Variants in RPS6KL1 observed in about 807,000 individuals in gnomAD.
The protein encoded by RPS6KL1 is ribosomal protein S6 kinase like 1, also known as ribosomal protein S6 kinase-like 1.
Under a neutral mutation model 57.0 loss-of-function variants are expected in RPS6KL1, and 41 were observed. The observed-to-expected ratio is 0.72, with a 90% CI of 0.56 to 0.93. The LOEUF (loss-of-function observed/expected upper bound fraction) is 0.93. Ranked by LOEUF, RPS6KL1 falls within the 40% of genes least tolerant of loss-of-function variation. The pLI, the probability that RPS6KL1 is intolerant of heterozygous loss-of-function variation, is 0.00. For missense variants in RPS6KL1, 697 were observed against 727.7 expected, an observed-to-expected ratio of 0.96 and a Z score of 0.49; for synonymous variants, 287 against 309.7, an observed-to-expected ratio of 0.93 and a Z score of 0.77.
At chr14:74,921,227 G>T in intron 3 of RPS6KL1, 50 bp downstream of exon 3, 1 of 1,410,602 alleles carries the variant, frequency 7.1e-7, no homozygotes, top group Non-Finnish European at 1.0e-6. Context: ...GAAGAGCCCT[G>T]CACTGGCCCT....
Position 74,923,185 on chromosome 14 carries a change from C to G in RPS6KL1, c.-534G>C, listed in dbSNP as rs1888134511. ...GACCGGACAAAACACCGTACCTGCC[C>G]GAGCTGGGAGCCGGGTCCGCGGGCC... is the stretch of plus-strand genomic sequence containing the variant. On this transcript the variant is annotated 5_prime_UTR_variant, in exon 1 of 12. Coordinates refer to ENST00000557413, the MANE Select transcript of RPS6KL1 (RefSeq NM_031464.5). The G allele has an allele frequency of 6.6e-6, 1 of 152,250 alleles. No individual in the cohort carries two copies. The highest frequency in any genetic ancestry group is 1.5e-5 in the Non-Finnish European group (1 of 68,098). The allele number at this position is 152,250 out of a possible 1,614,324, so 9.4% of individuals were successfully genotyped here. A position where few individuals can be genotyped will look rare whatever the true frequency, so the allele number is the denominator to read the frequency against.
chr14:74,921,468 T>A lies in RPS6KL1; in HGVS notation c.74A>T (p.Gln25Leu). The A allele has an allele frequency of 1.2e-6, 2 of 1,614,144 alleles. No individual in the cohort carries two copies. The highest frequency in any genetic ancestry group is 1.7e-5 in the Admixed American group (1 of 59,966). The change falls in exon 3 of 12, where the codon CAA becomes CTA. Residue 25 changes from glutamine (Q) to leucine (L), a missense_variant. Physicochemically the swap from Gln to Leu is moderately radical, Grantham distance 113 (BLOSUM62 -2). Coordinates refer to ENST00000557413, the MANE Select transcript of RPS6KL1 (RefSeq NM_031464.5). ...AATCTGCTCCAGGTACACGTGAGCT[T>A]GGGACCGTGCTCGTGAGCAAGGCTC... The part of the protein sequence containing the change: ...EPEPCSRARS[Q>L]AHVYLEQIRN...
chr14:74,910,179 G>A (rs1230122238), intron 7 of RPS6KL1, 31 bp from the exon 8 acceptor site: 1 of 1,493,554 alleles, frequency 6.7e-7, no homozygotes, highest in Admixed American at 2.2e-5. Context: ...GGTGAGCGTG[G>A]GGACAGGGAG....
intron 5 of RPS6KL1, among the ~76,000 whole-genome samples, chr14:74,913,854 G>T (rs765472206): frequency 6.6e-6 from 1 of 152,218 alleles, no homozygotes; most frequent in African/African-American, 2.4e-5. Flanking sequence ...GCTGTAAAGT[G>T]GTTACTCTGT....
chr14:74,919,702 G>A (rs967356511), intron 4 of RPS6KL1, 143 bp downstream of exon 4: 2 of 860,744 alleles, frequency 2.3e-6, no homozygotes, highest in Non-Finnish European at 3.5e-6. Context: ...GGGCCGCCCT[G>A]GCACACTCCA....
At chr14:74,921,221 A>C in intron 3 of RPS6KL1, 56 bp downstream of exon 3, 1 of 1,439,328 alleles carries the variant, frequency 6.9e-7, no homozygotes, top group South Asian at 1.2e-5. Flanking sequence ...TGACAGGAAG[A>C]GCCCTGCACT....
chr14:74,912,211 T>C (rs1246283763), intron 5 of RPS6KL1, among the ~76,000 whole-genome samples: 1 of 152,058 alleles, frequency 6.6e-6, no homozygotes, highest in Admixed American at 6.6e-5. Context: ...TGCAGGGATG[T>C]AGTAGGTGCT....
chr14:74,909,092 C>G lies in RPS6KL1; in HGVS notation c.1360+9G>C, dbSNP rs139071487. The G allele has an allele frequency of 1.2e-3, 1,975 of 1,613,912 alleles. 35 individuals are homozygous for G. The South Asian group carries it at 0.015, about 12-fold the overall frequency. ...TGCTAAGGCCCACCCTGGCCTCCCC[C>G]CTTCTTGCCTGGGGCGCTGTAGAGA... is the stretch of plus-strand genomic sequence containing the variant. On this transcript the variant is annotated intron_variant, in intron 9 of 11. Coordinates refer to ENST00000557413, the MANE Select transcript of RPS6KL1 (RefSeq NM_031464.5).
intron 5 of RPS6KL1, 115 bp downstream of exon 5, chr14:74,918,398 G>T (rs1294679305): frequency 1.8e-5 from 13 of 713,236 alleles, no homozygotes; most frequent in Non-Finnish European, 2.5e-5. Flanking sequence ...CTCCTCTGGA[G>T]GAGTGGGGGC....
At position 74,906,005 on chromosome 14, in the gene RPS6KL1, C is replaced by G. The variant is rs1052265432; in HGVS notation, c.*1009G>C. ...CAATTGTCTTTGAGGTAACCACTCA[C>G]CCCAGCTTTTCAGAGACCAGAGGCA... On this transcript the variant is annotated 3_prime_UTR_variant, in exon 12 of 12. Coordinates refer to ENST00000557413, the MANE Select transcript of RPS6KL1 (RefSeq NM_031464.5). The G allele has an allele frequency of 6.3e-6, 1 of 158,378 alleles. No homozygotes were observed. Among genetic ancestry groups the G allele is most frequent in the African/African-American group, 2.4e-5 (1 of 41,568 alleles). 9.8% of individuals were successfully genotyped at this position (158,378 alleles called of 1,614,324 possible). A position where few individuals can be genotyped will look rare whatever the true frequency, so the allele number is the denominator to read the frequency against.
At chr14:74,921,180 G>C in intron 3 of RPS6KL1, 97 bp downstream of exon 3, 1 of 1,117,862 alleles carries the variant, frequency 8.9e-7, no homozygotes, top group South Asian at 1.4e-5. Context: ...TGCTCACTCA[G>C]TACAAATGGA....
intron 5 of RPS6KL1, among the ~76,000 whole-genome samples, chr14:74,916,508 C>T (rs1314382085): frequency 6.6e-6 from 1 of 152,130 alleles, no homozygotes; most frequent in African/African-American, 2.4e-5. Flanking sequence ...CTGGGCAACA[C>T]AGCGAGATCT....
rs376121630 is a variant in RPS6KL1, at chr14:74,919,943, C to A, written c.292G>T (p.Ala98Ser). The A allele has an allele frequency of 1.2e-6, 2 of 1,614,074 alleles. No homozygotes were observed. The highest frequency in any genetic ancestry group is 1.7e-6 in the Non-Finnish European group (2 of 1,180,042). The change falls in exon 4 of 12, where the codon GCT becomes TCT. Residue 98 changes from alanine (A) to serine (S), a missense_variant. Ala to Ser is a moderately conservative substitution (Grantham distance 99, BLOSUM62 1). Transcript: ENST00000557413. ...TATTTGGTAATTTTCAGCTTCACAG[C>A]CTCACGTCGCTCCTTGTTGGGGTCA... ...HVDPNKERRE[A>S]VKLKITKYLR...
In RPS6KL1 at chr14:74,906,360, C is replaced by T. The variant is rs145681193; in HGVS notation, c.*654G>A. On this transcript the variant is annotated 3_prime_UTR_variant, in exon 12 of 12. Coordinates refer to ENST00000557413, the MANE Select transcript of RPS6KL1 (RefSeq NM_031464.5). The stretch of plus-strand genomic sequence containing the variant: ...TTATTTTCTTCCCCTCCCTTTTGCT[C>T]TCCCAAGTCTGAAATCACAAGATAG... The T allele has an allele frequency of 5.2e-3, 1,794 of 344,340 alleles. 44 individuals carry two copies. The highest frequency in any genetic ancestry group is 0.039 in the African/African-American group (1,677 of 43,460). The allele number at this position is 344,340 out of a possible 1,614,324, so 21.3% of individuals were successfully genotyped here. A position where few individuals can be genotyped will look rare whatever the true frequency, so the allele number is the denominator to read the frequency against.
intron 2 of RPS6KL1, 55 bp from the exon 3 acceptor site, chr14:74,921,616 G>A (rs186569663): frequency 2.9e-5 from 44 of 1,528,778 alleles, no homozygotes; most frequent in Middle Eastern, 2.0e-4. Context: ...ACCCCTATCC[G>A]CACCCCAGTT....
intron 8 of RPS6KL1, 130 bp downstream of exon 8, chr14:74,909,413 C>T: frequency 7.9e-6 from 10 of 1,261,774 alleles, no homozygotes; most frequent in Non-Finnish European, 9.7e-6. Context: ...CCAGCCTAGG[C>T]CCCCTGAAAG....
chr14:74,909,311 C>T lies in RPS6KL1; in HGVS notation c.1271-121G>A, dbSNP rs537893713. 1.1e-4 allele frequency: 116 copies of T among 1,091,470 alleles called. 3 individuals carry two copies. The South Asian group carries it at 1.4e-3, about 13-fold the overall frequency. The allele number at this position is 1,091,470 out of a possible 1,614,324, so 67.6% of individuals were successfully genotyped here. On this transcript the variant is annotated intron_variant, in intron 8 of 11. Coordinates refer to ENST00000557413, the MANE Select transcript of RPS6KL1 (RefSeq NM_031464.5). ...AGCCAATGGCCTTGCTGGGCAGAAA[C>T]TCGGCAGGGGCACAGCACCCTCCAC...
intron 4 of RPS6KL1, among the ~76,000 whole-genome samples, 157 bp downstream of exon 4, chr14:74,919,688 A>G (rs899870729): frequency 6.6e-6 from 1 of 152,202 alleles, no homozygotes; most frequent in Non-Finnish European, 1.5e-5. Flanking sequence ...GAGGAAAAGA[A>G]GATGGGCCGC....
chr14:74,920,193 G>T (rs951894084), intron 3 of RPS6KL1, among the ~76,000 whole-genome samples: 2 of 152,218 alleles, frequency 1.3e-5, no homozygotes, highest in African/African-American at 4.8e-5. Flanking sequence ...AGGAACCAGG[G>T]TCACTCCTCA....
Sources: allele counts gnomAD v4.1 joint callset (sites outside exome capture counted in the v4.1 genomes callset), GRCh38; gene constraint gnomAD v4.1.1; transcripts MANE v1.5; gene names NCBI Gene and HGNC (gene_info 2026-07-23, HGNC 2026-07-21).